The following PRKACB variants were observed in gnomAD, a reference collection of about 807,000 sequenced individuals.
PRKACB encodes protein kinase cAMP-activated catalytic subunit beta, also known as cAMP-dependent protein kinase catalytic subunit beta.
PRKACB carries 16 observed loss-of-function variants against 51.4 expected under a neutral mutation model. The observed-to-expected ratio is 0.31, with a 90% CI of 0.21 to 0.47. PRKACB has a LOEUF of 0.47. PRKACB is among the 20% of genes least tolerant of loss of function. The pLI is 1.00. For missense variants in PRKACB, 309 were observed against 464.5 expected, an observed-to-expected ratio of 0.67 and a Z score of 3.08; for synonymous variants, 147 against 154.4, an observed-to-expected ratio of 0.95 and a Z score of 0.35.
chr1:84,144,406 A>G lies in PRKACB; in HGVS notation c.45A>G (p.Thr15=). ...REPPCNQYTG[T]TTALQKLEGF... The stretch of plus-strand genomic sequence containing the variant: ...CACCTTGTAACCAGTATACAGGTAC[A>G]ACTACAGCTCTTCAGAAATTGGAAG... Residue 15 remains threonine, a synonymous_variant, in exon 1 of 10, where the codon ACA becomes ACG. Coordinates refer to ENST00000370685, the MANE Select transcript of PRKACB (RefSeq NM_182948.4). The G allele has an allele frequency of 6.2e-7, 1 of 1,613,548 alleles. No individual in the cohort carries two copies. The highest frequency in any genetic ancestry group is 8.5e-7 in the Non-Finnish European group (1 of 1,179,702).
chr1:84,117,633 A>T (rs2100870250), intron 1 of PRKACB, among the ~76,000 whole-genome samples: 1 of 152,008 alleles, frequency 6.6e-6, no homozygotes, highest in South Asian at 2.1e-4. Flanking sequence ...TATTTTTGTG[A>T]TATCAGTTGT....
intron 9 of PRKACB, among the ~76,000 whole-genome samples, chr1:84,224,818 AG>A (rs766910925): frequency 6.6e-6 from 1 of 152,192 alleles, no homozygotes; most frequent in Non-Finnish European, 1.5e-5. Context: ...TGGATCCCCA[AG>A]CCTCCAGACA....
intron 9 of PRKACB, among the ~76,000 whole-genome samples, chr1:84,220,333 A>G (rs1276451799): frequency 2.0e-5 from 3 of 151,766 alleles, no homozygotes; most frequent in Non-Finnish European, 4.4e-5. Flanking sequence ...TTATTTTTTT[A>G]TGAGTTCTAA....
At chr1:84,225,474 T>C (rs112734060) in intron 9 of PRKACB, among the ~76,000 whole-genome samples, 5 of 152,192 alleles carry the variant, frequency 3.3e-5, no homozygotes, top group African/African-American at 9.6e-5. Context: ...AGCCGCACCA[T>C]TGGGTCCAGC....
In PRKACB at chr1:84,197,084, A is replaced by G. The variant is rs570455929; in HGVS notation, c.687+342A>G. Among the ~76,000 whole-genome samples, 89 of 152,314 alleles carry G rather than the reference A, an allele frequency of 5.8e-4. 1 individual carries two copies. In the South Asian group the frequency reaches 0.018, roughly 30 times the overall value. On this transcript the variant is annotated intron_variant, in intron 6 of 9. Transcript: ENST00000370685. ...GATAAACCTATGAAGTGGAAATACC[A>G]TTGTTATCTTCATTTTAAGATTAAC... is the stretch of plus-strand genomic sequence containing the variant.
upstream of PRKACB, among the ~76,000 whole-genome samples, chr1:84,143,715 C>T (rs1653665308): frequency 6.6e-6 from 1 of 152,148 alleles, no homozygotes; most frequent in African/African-American, 2.4e-5. Flanking sequence ...GCAATACTGA[C>T]ATACTAAGTG....
Position 84,144,349 on chromosome 1 carries a change from T to C in PRKACB, c.-13T>C. 1 of 1,609,016 alleles carries C rather than the reference T, an allele frequency of 6.2e-7. No homozygotes were observed. The highest frequency in any genetic ancestry group is 8.5e-7 in the Non-Finnish European group (1 of 1,178,320). On this transcript the variant is annotated 5_prime_UTR_variant, in exon 1 of 10. Coordinates refer to ENST00000370685, the MANE Select transcript of PRKACB (RefSeq NM_182948.4). ...ATTTGCAGTTACATTAAGTAAAGTG[T>C]AAATGCACATGAATGGCAGCTTATA...
At chr1:84,124,275 T>A (rs1651361236) in intron 1 of PRKACB, among the ~76,000 whole-genome samples, 1 of 152,184 alleles carries the variant, frequency 6.6e-6, no homozygotes, top group Non-Finnish European at 1.5e-5. Context: ...GAAATAACAT[T>A]GAACTACACT....
intron 3 of PRKACB, among the ~76,000 whole-genome samples, chr1:84,182,986 A>G (rs1664013488): frequency 6.6e-6 from 1 of 152,124 alleles, no homozygotes; most frequent in East Asian, 1.9e-4. Context: ...TCAGAAAGTT[A>G]GTTAAATAAA....
intron 1 of PRKACB, among the ~76,000 whole-genome samples, chr1:84,146,992 T>C (rs1654187913): frequency 6.6e-6 from 1 of 152,084 alleles, no homozygotes; most frequent in South Asian, 2.1e-4. Context: ...CAACTCAGAA[T>C]GAATGAGAGC....
intron 1 of PRKACB, among the ~76,000 whole-genome samples, chr1:84,153,423 AC>A (rs1655074498): frequency 7.0e-6 from 1 of 142,968 alleles, no homozygotes; most frequent in East Asian, 2.0e-4. Context: ...AAAGCAACAC[AC>A]AATAAAATGA....
At chr1:84,130,915 A>T (rs2100552298) in intron 1 of PRKACB, among the ~76,000 whole-genome samples, 1 of 152,360 alleles carries the variant, frequency 6.6e-6, no homozygotes, top group South Asian at 2.1e-4. Context: ...TCATTAAGAT[A>T]TGTATAATGG....
intron 8 of PRKACB, among the ~76,000 whole-genome samples, chr1:84,206,998 T>G (rs1229096394): frequency 1.3e-5 from 2 of 152,194 alleles, no homozygotes; most frequent in Admixed American, 6.6e-5. Flanking sequence ...TTTGGGGAAA[T>G]TACAATGTCA....
At chr1:84,079,427 G>A (rs1647348049) in intron 1 of PRKACB, among the ~76,000 whole-genome samples, 1 of 152,108 alleles carries the variant, frequency 6.6e-6, no homozygotes, top group South Asian at 2.1e-4. Context: ...TTATAACTTT[G>A]CATGAAGAAA....
chr1:84,134,737 A>T (rs1481306551), intron 1 of PRKACB, among the ~76,000 whole-genome samples: 2 of 152,228 alleles, frequency 1.3e-5, no homozygotes, highest in African/African-American at 2.4e-5. Flanking sequence ...TAACTATGTC[A>T]GTAGTCACTT....
chr1:84,148,736 A>C (rs1654456032), intron 1 of PRKACB, among the ~76,000 whole-genome samples: 2 of 152,220 alleles, frequency 1.3e-5, no homozygotes, highest in South Asian at 4.1e-4. Context: ...ATAAAAATTT[A>C]AGTAACAAGC....
chr1:84,096,357 T>C (rs1199935636), intron 1 of PRKACB, among the ~76,000 whole-genome samples: 2 of 152,136 alleles, frequency 1.3e-5, no homozygotes, highest in African/African-American at 4.8e-5. Context: ...ATGCCTTAGG[T>C]ATCTTAAACA....
At chr1:84,195,629 C>A (rs1181968754) in intron 5 of PRKACB, among the ~76,000 whole-genome samples, 1 of 151,976 alleles carries the variant, frequency 6.6e-6, no homozygotes, top group African/African-American at 2.4e-5. Context: ...CATAAAAGAA[C>A]TAGCTGGGTG....
chr1:84,225,815 CT>C (rs1449212846), intron 9 of PRKACB, among the ~76,000 whole-genome samples: 1 of 152,182 alleles, frequency 6.6e-6, no homozygotes, highest in Non-Finnish European at 1.5e-5. Flanking sequence ...TGGAGAACCT[CT>C]TGTGGCTGCC....
Sources: gnomAD v4.1 joint callset for allele counts (sites outside exome capture counted in the v4.1 genomes callset) on GRCh38, gnomAD v4.1.1 for gene constraint, MANE v1.5 for transcripts, NCBI Gene and HGNC (gene_info 2026-07-23, HGNC 2026-07-21) for gene names.